The following LRMDA variants were observed in gnomAD, a reference collection of about 807,000 sequenced individuals.
The protein encoded by LRMDA is leucine-rich melanocyte differentiation-associated protein.
LRMDA carries 18 observed loss-of-function variants against 29.8 expected under a neutral mutation model. The ratio of observed to expected loss-of-function variants is 0.60; its 90% CI spans 0.42 to 0.90. The LOEUF (loss-of-function observed/expected upper bound fraction) is 0.90, where lower values mean the gene tolerates loss of function less well. LRMDA is among the 40% of genes least tolerant of loss of function. The pLI is 0.00. For missense variants in LRMDA, 273 were observed against 273.9 expected (o/e 1.00, Z 0.02); for synonymous variants, 125 against 109.4 (o/e 1.14, Z -0.89).
intron 2 of LRMDA, among the ~76,000 whole-genome samples, chr10:75,482,778 T>C (rs1283022818): frequency 1.3e-5 from 2 of 152,238 alleles, no homozygotes; most frequent in Non-Finnish European, 2.9e-5. Context: ...GAAACAAATA[T>C]GATAGCTTTT....
chr10:75,589,424 C>A (rs1840694008), intron 2 of LRMDA, among the ~76,000 whole-genome samples: 1 of 151,984 alleles, frequency 6.6e-6, no homozygotes, highest in Non-Finnish European at 1.5e-5. Flanking sequence ...ATGATCATAT[C>A]CTTTGCCCAT....
intron 2 of LRMDA, among the ~76,000 whole-genome samples, chr10:75,619,529 C>A (rs952809484): frequency 6.6e-5 from 10 of 152,294 alleles, no homozygotes; most frequent in African/African-American, 2.4e-4. Flanking sequence ...GGCAAACACA[C>A]AAAGCCCCAA....
At chr10:75,632,091 A>G (rs956863858) in intron 2 of LRMDA, among the ~76,000 whole-genome samples, 1 of 152,134 alleles carries the variant, frequency 6.6e-6, no homozygotes, top group African/African-American at 2.4e-5. Flanking sequence ...GCTCTTCTAC[A>G]TTGCATAGCA....
chr10:76,540,638 A>G (rs1843343782), intron 6 of LRMDA, among the ~76,000 whole-genome samples: 1 of 152,330 alleles, frequency 6.6e-6, no homozygotes, highest in East Asian at 1.9e-4. Context: ...AAAACATATT[A>G]ATTATGTTCC....
At chr10:76,543,061 G>A (rs192611937) in intron 6 of LRMDA, among the ~76,000 whole-genome samples, 75 of 152,132 alleles carry the variant, frequency 4.9e-4, no homozygotes, top group African/African-American at 1.6e-3. Context: ...CTCCATGCTC[G>A]GGAACACTCT....
chr10:75,952,708 A>T (rs1445177298), intron 2 of LRMDA, among the ~76,000 whole-genome samples: 1 of 152,154 alleles, frequency 6.6e-6, no homozygotes, highest in Non-Finnish European at 1.5e-5. Flanking sequence ...TTTCCTCCTT[A>T]TATGTAGGAT....
intron 2 of LRMDA, among the ~76,000 whole-genome samples, chr10:75,719,896 G>T (rs1051665277): frequency 2.0e-5 from 3 of 152,174 alleles, no homozygotes; most frequent in Non-Finnish European, 4.4e-5. Context: ...TTTTGCAGGG[G>T]ATGTTCCCTG....
chr10:75,761,790 T>C (rs1228704763), intron 2 of LRMDA, among the ~76,000 whole-genome samples: 5 of 140,052 alleles, frequency 3.6e-5, no homozygotes, highest in Admixed American at 2.1e-4. Flanking sequence ...TTTGGTATAC[T>C]TTTGTTTTTT....
intron 2 of LRMDA, among the ~76,000 whole-genome samples, chr10:75,738,625 G>A (rs964212343): frequency 4.6e-5 from 7 of 152,126 alleles, no homozygotes; most frequent in Non-Finnish European, 7.3e-5. Flanking sequence ...CAAGAGTGCC[G>A]TGTGAGATGC....
At chr10:76,306,723 A>C (rs1840561255) in intron 5 of LRMDA, among the ~76,000 whole-genome samples, 1 of 152,206 alleles carries the variant, frequency 6.6e-6, no homozygotes, top group South Asian at 2.1e-4. Context: ...CATACCTTTG[A>C]GGTTTGCATA....
intron 2 of LRMDA, among the ~76,000 whole-genome samples, chr10:75,851,819 G>A (rs1474810451): frequency 6.6e-6 from 1 of 152,284 alleles, no homozygotes; most frequent in South Asian, 2.1e-4. Flanking sequence ...GCCTTGAAAG[G>A]CCCTTCACTT....
chr10:75,813,987 A>G (rs1228251608), intron 2 of LRMDA, among the ~76,000 whole-genome samples: 3 of 152,254 alleles, frequency 2.0e-5, no homozygotes, highest in African/African-American at 7.2e-5. Context: ...TCCATTTGTC[A>G]CTATTGGAAA....
intron 2 of LRMDA, among the ~76,000 whole-genome samples, chr10:75,858,542 A>G (rs1037143697): frequency 3.9e-5 from 6 of 152,222 alleles, no homozygotes; most frequent in Non-Finnish European, 8.8e-5. Context: ...ACCAAGTCAC[A>G]TGCCATTGAG....
chr10:76,052,226 A>G (rs1848541185), intron 4 of LRMDA, among the ~76,000 whole-genome samples: 2 of 152,250 alleles, frequency 1.3e-5, no homozygotes, highest in African/African-American at 4.8e-5. Flanking sequence ...GCAAAGAAGC[A>G]TAGACTGCCG....
At chr10:75,883,759 G>A (rs557014948) in intron 2 of LRMDA, among the ~76,000 whole-genome samples, 16 of 151,574 alleles carry the variant, frequency 1.1e-4, no homozygotes, top group South Asian at 4.2e-4. Context: ...ATTTAATGAC[G>A]ACAATTTCCC....
intron 2 of LRMDA, among the ~76,000 whole-genome samples, chr10:75,680,519 A>G (rs936944852): frequency 1.3e-5 from 2 of 152,086 alleles, no homozygotes; most frequent in Non-Finnish European, 2.9e-5. Flanking sequence ...TTCTCTTCCT[A>G]TCTACTCCAG....
At chr10:75,726,897 G>T (rs1354975009) in intron 2 of LRMDA, among the ~76,000 whole-genome samples, 1 of 152,214 alleles carries the variant, frequency 6.6e-6, no homozygotes, top group Non-Finnish European at 1.5e-5. Context: ...TAGAGCTTGA[G>T]TTACTTTCAG....
At chr10:76,551,816 A>T (rs1215884272) in intron 6 of LRMDA, among the ~76,000 whole-genome samples, 1 of 152,116 alleles carries the variant, frequency 6.6e-6, no homozygotes, top group Non-Finnish European at 1.5e-5. Flanking sequence ...GACGCTCCTG[A>T]TCACCTTTTC....
At chr10:75,509,590 G>A (rs1845204940) in intron 2 of LRMDA, among the ~76,000 whole-genome samples, 1 of 152,186 alleles carries the variant, frequency 6.6e-6, no homozygotes, top group Non-Finnish European at 1.5e-5. Context: ...ATGACACTGA[G>A]CCCCAGAGAG....
Sources: gnomAD v4.1 joint callset for allele counts (sites outside exome capture counted in the v4.1 genomes callset) on GRCh38, gnomAD v4.1.1 for gene constraint, MANE v1.5 for transcripts, NCBI Gene and HGNC (gene_info 2026-07-23, HGNC 2026-07-21) for gene names.